Variants in SUMF2 observed in about 807,000 individuals in gnomAD.
SUMF2 encodes the protein inactive C-alpha-formylglycine-generating enzyme 2.
Under a neutral mutation model 44.8 loss-of-function variants are expected in SUMF2, and 45 were observed. That is an observed-to-expected ratio of 1.00 (90% confidence interval 0.79 to 1.29). The LOEUF is 1.29. SUMF2 is among the 50% of genes most tolerant of loss of function. The pLI is 0.00. For synonymous variants in SUMF2, 148 were observed against 150.4 expected (o/e 0.98, Z 0.12); for missense variants, 418 against 389.9 (o/e 1.07, Z -0.61).
rs767046769 is a variant in SUMF2 at position 56,068,555 on chromosome 7, C to G, written c.141C>G (p.Ser47Arg). The change falls in exon 2 of 9, where the codon AGC becomes AGG. Residue 47 changes from serine to arginine, a missense_variant. By Grantham distance (110) the Ser-to-Arg change is moderately radical. Transcript: ENST00000434526. ...TGATGGGAACAAATTCTCCAGACAGCAGAGATGGTGACGGGCCTGTGCGGG... is the reference window on the plus strand; with the variant it reads ...TGATGGGAACAAATTCTCCAGACAGGAGAGATGGTGACGGGCCTGTGCGGG... ...RFLMGTNSPD[S>R]RDGDGPVREA... The G allele has an allele frequency of 6.2e-7, 1 of 1,614,036 alleles. No homozygotes were observed. The highest frequency in any genetic ancestry group is 1.7e-5 in the Admixed American group (1 of 59,984).
chr7:56,067,820 G>A (rs1307688130), intron 1 of SUMF2, among the ~76,000 whole-genome samples: 5 of 151,066 alleles, frequency 3.3e-5, no homozygotes, highest in South Asian at 2.1e-4. Flanking sequence ...TTGAGCTGAC[G>A]GGGGCAGAGG....
downstream of SUMF2, chr7:56,081,823 G>A: frequency 1.2e-6 from 2 of 1,608,488 alleles, no homozygotes; most frequent in Non-Finnish European, 1.7e-6. The surrounding 1 kb of genome is among the most constrained non-coding windows in gnomAD (Gnocchi z 4.6). Context: ...AGGAAAGGCA[G>A]GGCCTCCCCG....
At chr7:56,072,863 A>T in intron 2 of SUMF2, 134 bp from the exon 3 acceptor site, 1 of 633,150 alleles carries the variant, frequency 1.6e-6, no homozygotes, top group Non-Finnish European at 2.8e-6. Context: ...GCTTCAGGTT[A>T]ATTCCTTGGC....
chr7:56,087,194 TTTA>T, the SUMF2 span, among the ~76,000 whole-genome samples: 44,822 of 135,786 alleles, frequency 0.33, 7,612 homozygotes, highest in Middle Eastern at 0.37. Flanking sequence ...GCCCAGGGAC[TTTA>T]TTATTATTAT....
At chr7:56,066,863 G>C (rs1429580734) in intron 1 of SUMF2, among the ~76,000 whole-genome samples, 1 of 152,138 alleles carries the variant, frequency 6.6e-6, no homozygotes, top group African/African-American at 2.4e-5. Flanking sequence ...CAGGTAATCT[G>C]CCCGCCTCGG....
At chr7:56,083,408 G>A (rs777908161), downstream of SUMF2, 4 of 1,614,072 alleles carry the variant, frequency 2.5e-6, no homozygotes, top group Non-Finnish European at 3.4e-6. Flanking sequence ...TGTGCAAGGT[G>A]CAGATCACCT....
intron 2 of SUMF2, 108 bp from the exon 3 acceptor site, chr7:56,072,889 G>A: frequency 1.4e-6 from 1 of 726,652 alleles, no homozygotes; most frequent in South Asian, 1.7e-5. Context: ...TGAACACTCT[G>A]TGGTGTATAA....
intron 5 of SUMF2, among the ~76,000 whole-genome samples, chr7:56,075,232 C>A (rs1795461003): frequency 6.7e-6 from 1 of 149,568 alleles, no homozygotes; most frequent in Non-Finnish European, 1.5e-5. Context: ...ATATAAAATA[C>A]CATAAAAATT....
chr7:56,074,278 C>T lies in SUMF2; in HGVS notation c.384+60C>T, dbSNP rs577045945. ...CTGCTTGACTCTTATTCTCCAGGCCCAGCCTCCTCTCTACCCCTCGTACAT... is the reference window on the plus strand; with the variant it reads ...CTGCTTGACTCTTATTCTCCAGGCCTAGCCTCCTCTCTACCCCTCGTACAT... On this transcript the variant is annotated intron_variant, in intron 4 of 8. Coordinates refer to ENST00000434526, the MANE Select transcript of SUMF2 (RefSeq NM_015411.4). The T allele has an allele frequency of 2.0e-5, 30 of 1,518,874 alleles. No individual in the cohort carries two copies. In the Admixed American group the frequency reaches 2.8e-4, roughly 14 times the overall value. 94.1% of individuals were successfully genotyped at this position (1,518,874 alleles called of 1,614,324 possible).
intron 8 of SUMF2, chr7:56,078,818 G>A (rs1795760586): frequency 2.3e-6 from 1 of 435,008 alleles, no homozygotes; most frequent in Admixed American, 3.9e-5. Context: ...GGCAAAGGGA[G>A]GGAAGTAGAA....
intron 1 of SUMF2, among the ~76,000 whole-genome samples, chr7:56,064,984 A>G (rs1584561930): frequency 6.6e-6 from 1 of 150,580 alleles, no homozygotes; most frequent in African/African-American, 2.4e-5. Context: ...CGAGGTCAGG[A>G]AATCGAGACC....
intron 1 of SUMF2, among the ~76,000 whole-genome samples, chr7:56,066,509 C>T (rs1227630906): frequency 2.0e-5 from 3 of 151,516 alleles, no homozygotes; most frequent in Admixed American, 6.6e-5. Flanking sequence ...TGCAGTGGCG[C>T]GATCTTGGTT....
At position 56,079,534 on chromosome 7, in the gene SUMF2, C is replaced by T. The variant is rs767133183; in HGVS notation, c.828C>T (p.Gly276=). The stretch of plus-strand genomic sequence containing the variant: ...TCCCCTTCTCTGCTGGCAGGATGGG[C>T]AACACTCCAGATTCAGCCTCAGACA... ...NHRARVTTRM[G]NTPDSASDNL... The change falls in exon 9 of 9, where the codon GGC becomes GGT. Residue 276 remains glycine (G), a synonymous_variant. Coordinates refer to ENST00000434526, the MANE Select transcript of SUMF2 (RefSeq NM_015411.4). 18 of 1,611,926 alleles carry T rather than the reference C, an allele frequency of 1.1e-5. No individual in the cohort carries two copies. The East Asian group carries it at 4.0e-4, about 36-fold the overall frequency.
intron 1 of SUMF2, 23 bp downstream of exon 1, chr7:56,064,401 C>A: frequency 6.3e-7 from 1 of 1,588,068 alleles, no homozygotes; most frequent in East Asian, 2.3e-5. Flanking sequence ...GCCGTCCATC[C>A]TGGGGGCGCT....
chr7:56,086,126 A>G, the SUMF2 span, among the ~76,000 whole-genome samples: 1 of 151,534 alleles, frequency 6.6e-6, no homozygotes, highest in South Asian at 2.1e-4. Context: ...CTTCCTGGAC[A>G]TGCTTTCCTG....
Position 56,068,496 on chromosome 7 carries a change from A to G in SUMF2, c.82A>G (p.Thr28Ala), listed in dbSNP as rs757509655. 2 of 1,612,242 alleles carry G rather than the reference A, an allele frequency of 1.2e-6. No individual in the cohort carries two copies. The highest frequency in any genetic ancestry group is 4.5e-5 in the East Asian group (2 of 44,886). ...TTTCTCTGCAGGAAATGGACAGGCT[A>G]CTAGCATGGTCCAACTGCAGGGTGG... is the stretch of plus-strand genomic sequence containing the variant. ...AWLKLGNGQA[T>A]SMVQLQGGRF... The change falls in exon 2 of 9, where the codon ACT becomes GCT. Residue 28 changes from threonine (T) to alanine (A), a missense_variant. Coordinates refer to ENST00000434526, the MANE Select transcript of SUMF2 (RefSeq NM_015411.4).
rs1364711391 is a variant in SUMF2, at chr7:56,079,570, C to T, written c.864C>T (p.Phe288=). 1.9e-6 allele frequency: 3 copies of T among 1,614,052 alleles called. No homozygotes were observed. The highest frequency in any genetic ancestry group is 1.6e-4 in the Middle Eastern group (1 of 6,084). ...TPDSASDNLG[F]RCAADAGRPP... ...ATTCAGCCTCAGACAACCTCGGTTT[C>T]CGCTGTGCTGCAGACGCAGGCCGGC... The change falls in exon 9 of 9, where the codon TTC becomes TTT. Residue 288 remains phenylalanine (F), a synonymous_variant. Transcript: ENST00000434526.
Position 56,068,491 on chromosome 7 carries a change from A to G in SUMF2, c.77A>G (p.Gln26Arg). ...TCTTTTTTCTCTGCAGGAAATGGAC[A>G]GGCTACTAGCATGGTCCAACTGCAG... ...VGAWLKLGNGQATSMVQLQGG... is the reference protein window; with the variant it reads ...VGAWLKLGNGRATSMVQLQGG... The change falls in exon 2 of 9, where the codon CAG becomes CGG. Residue 26 changes from glutamine (Q) to arginine (R), a missense_variant. Coordinates refer to ENST00000434526, the MANE Select transcript of SUMF2 (RefSeq NM_015411.4). 1.2e-6 allele frequency: 2 copies of G among 1,603,042 alleles called. No homozygotes were observed. The highest frequency in any genetic ancestry group is 1.7e-6 in the Non-Finnish European group (2 of 1,177,454).
intron 8 of SUMF2, chr7:56,079,312 T>C (rs1795815871): frequency 3.5e-6 from 2 of 579,298 alleles, no homozygotes; most frequent in South Asian, 2.3e-5. Context: ...CTTGCAAGAC[T>C]CCTTTTGTCC....
Sources: gnomAD v4.1 joint callset for allele counts (sites outside exome capture counted in the v4.1 genomes callset) on GRCh38, gnomAD v4.1.1 for gene constraint, Gnocchi (gnomAD v3.1) non-coding constraint, MANE v1.5 for transcripts, NCBI Gene and HGNC (gene_info 2026-07-23, HGNC 2026-07-21) for gene names.